Variants in ANAPC15 observed in about 807,000 individuals in gnomAD.
ANAPC15 encodes the protein anaphase-promoting complex subunit 15.
ANAPC15 carries 13 observed loss-of-function variants against 19.8 expected under a neutral mutation model. The ratio of observed to expected loss-of-function variants is 0.66; its 90% CI spans 0.43 to 1.04. The LOEUF (loss-of-function observed/expected upper bound fraction) is 1.04, where lower values mean the gene tolerates loss of function less well. Among genes scored for constraint, ANAPC15 ranks in the 50% least tolerant of loss-of-function variants. ANAPC15 has a pLI of 0.00. For synonymous variants in ANAPC15, 45 were observed against 50.7 expected (o/e 0.89, Z 0.47); for missense variants, 88 against 150.3 (o/e 0.59, Z 2.17).
Position 72,111,331 on chromosome 11 carries a change from T to C in ANAPC15, c.-10-45A>G, listed in dbSNP as rs1946869499. ...GAATGTGTTTTGCTTTGTTTTTGTT[T>C]TTAATTTGGTTGTAATTTGATTTAG... On this transcript the variant is annotated intron_variant, in intron 2 of 5. Transcript: ENST00000227618. The C allele has an allele frequency of 8.9e-6, 13 of 1,453,842 alleles. No homozygotes were observed. The South Asian group carries it at 1.3e-4, about 14-fold the overall frequency. 90.1% of individuals were successfully genotyped at this position (1,453,842 alleles called of 1,614,324 possible). A position where few individuals can be genotyped will look rare whatever the true frequency, so the allele number is the denominator to read the frequency against.
At position 72,110,533 on chromosome 11, in the gene ANAPC15, G is replaced by A. The variant is rs769123440; in HGVS notation, c.180+11C>T. 10 of 1,614,064 alleles carry A rather than the reference G, an allele frequency of 6.2e-6. No homozygotes were observed. In the East Asian group the frequency reaches 2.0e-4, roughly 32 times the overall value. On this transcript the variant is annotated intron_variant, in intron 4 of 5. Transcript: ENST00000227618. The stretch of plus-strand genomic sequence containing the variant: ...GCCCCCACACAGGCCCCACCTGCTA[G>A]AGCCACTCACCTCTGAGGCTGGCTT...
At chr11:72,108,162 G>A (rs1297180682), downstream of ANAPC15, 11 of 1,448,524 alleles carry the variant, frequency 7.6e-6, no homozygotes, top group Admixed American at 2.9e-4. Flanking sequence ...GTCACCCCAG[G>A]CCTTGCCCCC....
downstream of ANAPC15, chr11:72,108,018 G>C (rs1338469234): frequency 6.4e-7 from 1 of 1,551,662 alleles, no homozygotes; most frequent in Non-Finnish European, 8.7e-7. Flanking sequence ...TATTGCCCGA[G>C]CCCTGCCCCC....
At chr11:72,111,697 T>C (rs1946995767) in intron 1 of ANAPC15, among the ~76,000 whole-genome samples, 1 of 152,146 alleles carries the variant, frequency 6.6e-6, no homozygotes, top group Non-Finnish European at 1.5e-5. Flanking sequence ...ACTGAAACTA[T>C]CCCTACCTCC....
At chr11:72,112,455 A>G in intron 1 of ANAPC15, 195 bp downstream of exon 1, 1 of 274,300 alleles carries the variant, frequency 3.6e-6, no homozygotes, top group Non-Finnish European at 7.6e-6. Context: ...AGGAAGTGAC[A>G]CCAATGAATG....
Position 72,109,792 on chromosome 11 carries a change from G to A in ANAPC15, c.*89C>T. 6.5e-7 allele frequency: 1 copy of A among 1,542,298 alleles called. No individual in the cohort carries two copies. The highest frequency in any genetic ancestry group is 9.0e-7 in the Non-Finnish European group (1 of 1,116,966). On this transcript the variant is annotated 3_prime_UTR_variant, in exon 6 of 6. Transcript: ENST00000227618. Reference sequence around the variant, plus strand: ...GCACTTTCAGGCACTGGGGCCATCAGCTGGTTCTGTGGGCAGGGGTTGGGG... The same window carrying A: ...GCACTTTCAGGCACTGGGGCCATCAACTGGTTCTGTGGGCAGGGGTTGGGG...
Position 72,110,144 on chromosome 11 carries a change from C to CCTG in ANAPC15, c.259_261dup (p.Gln87dup). The CCTG allele has an allele frequency of 6.2e-7, 1 of 1,614,184 alleles. No individual in the cohort carries two copies. Among genetic ancestry groups the CCTG allele is most frequent in the Non-Finnish European group, 8.5e-7 (1 of 1,180,044 alleles). The stretch of plus-strand genomic sequence containing the variant: ...TTGTAGTCATTCATCTCGTCCATGT[C>CCTG]CTGCATATCCTCATCATCCTCTGAG... On this transcript the variant is annotated inframe_insertion, in exon 5 of 6. Coordinates refer to ENST00000227618, the MANE Select transcript of ANAPC15 (RefSeq NM_014042.3).
intron 1 of ANAPC15, among the ~76,000 whole-genome samples, chr11:72,111,703 C>T (rs1033779028): frequency 6.6e-6 from 1 of 152,132 alleles, no homozygotes; most frequent in Non-Finnish European, 1.5e-5. Context: ...ACTATCCCTA[C>T]CTCCTCCACA....
chr11:72,109,774 C>T lies in ANAPC15; in HGVS notation c.*107G>A. ...CTGAGGAGGTGCCCAAGGGCACTTT[C>T]AGGCACTGGGGCCATCAGCTGGTTC... On this transcript the variant is annotated 3_prime_UTR_variant, in exon 6 of 6. Transcript: ENST00000227618. 1 of 1,429,444 alleles carries T rather than the reference C, an allele frequency of 7.0e-7. No individual in the cohort carries two copies. Among genetic ancestry groups the T allele is most frequent in the Non-Finnish European group, 9.8e-7 (1 of 1,016,574 alleles). The allele number at this position is 1,429,444 out of a possible 1,614,324, so 88.5% of individuals were successfully genotyped here.
At chr11:72,108,918 C>T, downstream of ANAPC15, 1 of 1,532,140 alleles carries the variant, frequency 6.5e-7, no homozygotes, top group Non-Finnish European at 8.8e-7. Context: ...TATGCTGGAC[C>T]AGGCTGAGGT....
intron 5 of ANAPC15, 57 bp downstream of exon 5, chr11:72,110,031 A>G (rs759459431): frequency 3.1e-6 from 5 of 1,613,892 alleles, no homozygotes; most frequent in South Asian, 1.1e-5. Flanking sequence ...TTGGCCATCA[A>G]CTGGGTCAGG....
At chr11:72,107,902 A>C, downstream of ANAPC15, 1 of 1,551,542 alleles carries the variant, frequency 6.4e-7, no homozygotes, top group Non-Finnish European at 8.7e-7. Flanking sequence ...TGTCTTCTGC[A>C]ACAGCCATCT....
Position 72,110,108 on chromosome 11 carries a change from C to T in ANAPC15, c.298G>A (p.Asp100Asn), listed in dbSNP as rs1175744985. Residue 100 changes from aspartate to asparagine, a missense_variant, in exon 5 of 6, where the codon GAT (aspartate) becomes AAT (asparagine). Asp to Asn is a conservative substitution (Grantham distance 23). Transcript: ENST00000227618. ...CCTACCTCATTGACCTCTCCATCAT[C>T]CGGTGACTCATTGTAGTCATTCATC... ...DEMNDYNESP[D>N]DGEVNEVDME... 1 of 1,614,212 alleles carries T rather than the reference C, an allele frequency of 6.2e-7. No homozygotes were observed. The highest frequency in any genetic ancestry group is 8.5e-7 in the Non-Finnish European group (1 of 1,180,040).
At chr11:72,111,078 A>G (rs1946744875) in intron 3 of ANAPC15, 79 bp downstream of exon 3, 3 of 982,532 alleles carry the variant, frequency 3.1e-6, no homozygotes, top group African/African-American at 1.8e-5. Context: ...AGATTTCTGG[A>G]GTAAGGCTGG....
chr11:72,110,153 C>CT lies in ANAPC15; in HGVS notation c.252_253insA (p.Asp85ArgfsTer10). ...TTCATCTCGTCCATGTCCTGCATAT[C>CT]CTCATCATCCTCTGAGTCCTCTTCA... On this transcript the variant is annotated frameshift_variant, in exon 5 of 6. Transcript: ENST00000227618. LOFTEE classifies it high-confidence loss of function. The CT allele has an allele frequency of 6.2e-7, 1 of 1,614,182 alleles. No individual in the cohort carries two copies. The highest frequency in any genetic ancestry group is 8.5e-7 in the Non-Finnish European group (1 of 1,180,024).
chr11:72,108,221 A>G (rs533495759), downstream of ANAPC15: 178 of 1,027,656 alleles, frequency 1.7e-4, no homozygotes, highest in Middle Eastern at 2.6e-3. Flanking sequence ...AAGCACCTCC[A>G]CTCTGGGGAC....
downstream of ANAPC15, chr11:72,107,546 G>A (rs1945803186): frequency 1.4e-6 from 1 of 702,678 alleles, no homozygotes; most frequent in Non-Finnish European, 2.6e-6. Flanking sequence ...TGGATTCTGG[G>A]CACAGTTGTT....
rs750635497 is a variant in ANAPC15 at position 72,110,193 on chromosome 11, T to A, written c.213A>T (p.Glu71Asp). Residue 71 changes from glutamate (E) to aspartate (D), a missense_variant, in exon 5 of 6, where the codon GAA (glutamate) becomes GAT (aspartate). Transcript: ENST00000227618. ...HYDDEEEEDD[E>D]DDEDSEEDSE... ...AGTCCTCTTCACTATCCTCATCATC[T>A]TCATCATCCTCTTCTTCCTCGTCAT... The A allele has an allele frequency of 1.6e-5, 26 of 1,614,020 alleles. No individual in the cohort carries two copies. In the Admixed American group the frequency reaches 2.2e-4, roughly 13 times the overall value.
downstream of ANAPC15, chr11:72,108,141 C>T (rs1178337786): frequency 2.7e-6 from 4 of 1,474,544 alleles, no homozygotes; most frequent in African/African-American, 5.7e-5. Context: ...ATCTCCCCAA[C>T]CCAGATTTTT....
Sources: allele counts gnomAD v4.1 joint callset (sites outside exome capture counted in the v4.1 genomes callset), GRCh38; gene constraint gnomAD v4.1.1; transcripts MANE v1.5; gene names NCBI Gene and HGNC (gene_info 2026-07-23, HGNC 2026-07-21).